CCDC178: variants seen among roughly 807,000 people sequenced by gnomAD.
CCDC178 encodes the protein coiled-coil domain-containing protein 178.
In CCDC178, 126 loss-of-function variants were observed where a neutral mutation model predicts 117.4. That is an observed-to-expected ratio of 1.07 (90% CI 0.93 to 1.24). CCDC178 has a LOEUF of 1.24. CCDC178 is among the 50% of genes most tolerant of loss of function. The pLI is 0.00. For missense variants in CCDC178, 1,030 were observed against 986.9 expected (o/e 1.04, Z -0.59); for synonymous variants, 283 against 313.4 (o/e 0.90, Z 1.02).
chr18:33,290,125 T>C (rs978075562), intron 12 of CCDC178, among the ~76,000 whole-genome samples: 3 of 152,082 alleles, frequency 2.0e-5, no homozygotes, highest in Non-Finnish European at 4.4e-5. Flanking sequence ...ACCAGAAATA[T>C]AAAAGATTTA....
At chr18:33,220,019 A>C (rs1420823646) in intron 18 of CCDC178, among the ~76,000 whole-genome samples, 1 of 152,074 alleles carries the variant, frequency 6.6e-6, no homozygotes, top group Non-Finnish European at 1.5e-5. Context: ...TTTCATGGGG[A>C]AATATTTCTA....
intron 21 of CCDC178, among the ~76,000 whole-genome samples, chr18:32,986,526 C>T (rs1278421642): frequency 2.6e-5 from 4 of 151,818 alleles, no homozygotes; most frequent in Non-Finnish European, 4.4e-5. Context: ...CAAAAACTAC[C>T]AGGAAGAGTA....
chr18:33,321,227 A>T (rs1233417898), intron 11 of CCDC178, among the ~76,000 whole-genome samples: 1 of 152,218 alleles, frequency 6.6e-6, no homozygotes, highest in Non-Finnish European at 1.5e-5. Context: ...ACAAAAGCCA[A>T]AATTGACAAA....
intron 3 of CCDC178, among the ~76,000 whole-genome samples, chr18:33,403,330 A>G (rs2063735826): frequency 1.3e-5 from 2 of 152,338 alleles, no homozygotes; most frequent in African/African-American, 2.4e-5. Flanking sequence ...GAGTGGCCAC[A>G]GAGGGCTTCA....
intron 21 of CCDC178, among the ~76,000 whole-genome samples, chr18:33,059,549 A>G (rs567790373): frequency 6.6e-6 from 1 of 152,236 alleles, no homozygotes; most frequent in Non-Finnish European, 1.5e-5. Flanking sequence ...GGTCATACAA[A>G]TATGGTGAGT....
intron 11 of CCDC178, among the ~76,000 whole-genome samples, chr18:33,301,575 T>C (rs2062176932): frequency 6.6e-6 from 1 of 152,214 alleles, no homozygotes; most frequent in Non-Finnish European, 1.5e-5. Context: ...AGAATGGAAC[T>C]GTCAAGGTCT....
chr18:33,055,823 GAGA>G (rs1401149611), intron 21 of CCDC178, among the ~76,000 whole-genome samples: 17 of 123,606 alleles, frequency 1.4e-4, no homozygotes, highest in Admixed American at 4.8e-4. Context: ...TTTTTTTTTT[GAGA>G]AGGAGTCTTG....
At chr18:33,371,784 T>TATATAC (rs369419194) in intron 5 of CCDC178, among the ~76,000 whole-genome samples, 1 of 144,192 alleles carries the variant, frequency 6.9e-6, no homozygotes, top group South Asian at 2.3e-4. Flanking sequence ...TAAACATATA[T>TATATAC]ACACACACAC....
chr18:33,193,123 C>T (rs1182045109), intron 20 of CCDC178, among the ~76,000 whole-genome samples: 3 of 150,550 alleles, frequency 2.0e-5, no homozygotes, highest in African/African-American at 7.3e-5. Flanking sequence ...ATTAGCCGGG[C>T]GTGGTGGCAG....
chr18:33,287,792 GAATAAATA>G (rs763667556), intron 12 of CCDC178, among the ~76,000 whole-genome samples: 12 of 151,526 alleles, frequency 7.9e-5, no homozygotes, highest in Admixed American at 7.9e-4. Flanking sequence ...ATAAATGAAT[GAATAAATA>G]AATAAATAAA....
chr18:33,312,489 C>A (rs1392416234), intron 11 of CCDC178, among the ~76,000 whole-genome samples: 1 of 152,210 alleles, frequency 6.6e-6, no homozygotes, highest in Non-Finnish European at 1.5e-5. Flanking sequence ...CCCTACCCAA[C>A]ATAAGCAAAC....
chr18:33,139,436 G>A (rs1413982059), intron 20 of CCDC178, among the ~76,000 whole-genome samples: 1 of 152,134 alleles, frequency 6.6e-6, no homozygotes, highest in South Asian at 2.1e-4. Context: ...CTTGTTGAAT[G>A]GCTTTGACAA....
At chr18:33,117,812 G>T (rs1302402264) in intron 20 of CCDC178, among the ~76,000 whole-genome samples, 1 of 151,860 alleles carries the variant, frequency 6.6e-6, no homozygotes, top group Non-Finnish European at 1.5e-5. Flanking sequence ...TGTTTGGTAG[G>T]GTGACCCAAA....
intron 21 of CCDC178, among the ~76,000 whole-genome samples, chr18:33,020,400 T>G (rs546955188): frequency 1.3e-3 from 199 of 152,180 alleles, no homozygotes; most frequent in Non-Finnish European, 2.4e-3. Context: ...AGAAATATAA[T>G]ATAGCCATAG....
At chr18:33,000,351 G>C (rs369988553) in intron 21 of CCDC178, among the ~76,000 whole-genome samples, 36 of 152,042 alleles carry the variant, frequency 2.4e-4, no homozygotes, top group Middle Eastern at 3.4e-3. Flanking sequence ...CTAGAAAATA[G>C]CTTCAAAAAA....
intron 21 of CCDC178, among the ~76,000 whole-genome samples, chr18:33,016,838 A>G (rs2144815138): frequency 6.6e-6 from 1 of 152,144 alleles, no homozygotes; most frequent in East Asian, 1.9e-4. Context: ...GAAGCAATAA[A>G]ATAATAGAAG....
intron 20 of CCDC178, among the ~76,000 whole-genome samples, chr18:33,201,564 A>AGCACAGACTTCAGAGGCGGG (rs1307682977): frequency 6.6e-6 from 1 of 152,172 alleles, no homozygotes; most frequent in Non-Finnish European, 1.5e-5. Flanking sequence ...GCCAGCCTGG[A>AGCACAGACTTCAGAGGCGGG]GCACAGACTT....
chr18:33,324,556 C>G (rs991691317), intron 10 of CCDC178, among the ~76,000 whole-genome samples: 1 of 151,826 alleles, frequency 6.6e-6, no homozygotes, highest in African/African-American at 2.4e-5. Flanking sequence ...CAGAAGAAAG[C>G]CTATGTTCCA....
intron 20 of CCDC178, among the ~76,000 whole-genome samples, chr18:33,191,831 G>A (rs271459): frequency 0.16 from 24,535 of 151,936 alleles, 2,765 homozygotes; most frequent in African/African-American, 0.32. Flanking sequence ...AATATAGTGA[G>A]ATAAATATCT....
Sources: gnomAD v4.1 joint callset for allele counts (sites outside exome capture counted in the v4.1 genomes callset) on GRCh38, gnomAD v4.1.1 for gene constraint, MANE v1.5 for transcripts, NCBI Gene and HGNC (gene_info 2026-07-23, HGNC 2026-07-21) for gene names.